The following FOXP1 variants were observed in gnomAD, a reference collection of about 807,000 sequenced individuals.
FOXP1 encodes the protein forkhead box P1, also known as forkhead box protein P1.
A neutral mutation model predicts 98.2 loss-of-function variants in FOXP1; 15 were observed. The observed-to-expected ratio is 0.15, with a 90% CI of 0.10 to 0.24. The LOEUF (loss-of-function observed/expected upper bound fraction) is 0.24. Ranked by LOEUF, FOXP1 falls within the 10% of genes least tolerant of loss-of-function variation. The probability of loss-of-function intolerance (pLI) is 1.00; values close to 1 mark genes in which losing one functional copy is unlikely to be tolerated. For synonymous variants in FOXP1, 371 were observed against 314.5 expected, an observed-to-expected ratio of 1.18 and a Z score of -1.90; for missense variants, 633 against 848.5, an observed-to-expected ratio of 0.75 and a Z score of 3.15.
intron 5 of FOXP1, among the ~76,000 whole-genome samples, chr3:71,278,164 T>G (rs1314046950): frequency 6.6e-6 from 1 of 152,166 alleles, no homozygotes; most frequent in Non-Finnish European, 1.5e-5. Context: ...TTCTGAAGTT[T>G]CAATGAAGTT....
intron 4 of FOXP1, among the ~76,000 whole-genome samples, chr3:71,314,131 A>C (rs1221241988): frequency 6.6e-6 from 1 of 152,210 alleles, no homozygotes; most frequent in African/African-American, 2.4e-5. Flanking sequence ...CACAAAGTGA[A>C]TGCTCAAAGA....
intron 6 of FOXP1, among the ~76,000 whole-genome samples, chr3:71,126,836 GAAAC>G (rs1292584844): frequency 2.3e-5 from 1 of 43,598 alleles, no homozygotes; most frequent in Non-Finnish European, 4.7e-5. Flanking sequence ...AGAAAAAAAC[GAAAC>G]AAACAAACCA....
intron 3 of FOXP1, among the ~76,000 whole-genome samples, chr3:71,371,119 T>A (rs1358794569): frequency 1.3e-5 from 2 of 152,102 alleles, no homozygotes; most frequent in Non-Finnish European, 2.9e-5. Context: ...ATGGCTACAG[T>A]GAGGCCAGAA....
chr3:71,146,427 TA>T (rs2060308727), intron 6 of FOXP1, among the ~76,000 whole-genome samples: 1 of 152,126 alleles, frequency 6.6e-6, no homozygotes, highest in Non-Finnish European at 1.5e-5. Context: ...CCACCCTCTG[TA>T]TTTTCAAGGG....
intron 7 of FOXP1, among the ~76,000 whole-genome samples, chr3:71,110,168 A>G (rs1056397076): frequency 4.5e-4 from 68 of 152,162 alleles, no homozygotes; most frequent in African/African-American, 1.6e-3. Context: ...CTCAAAAGGA[A>G]ATCCCCTGAA....
rs947053426 is a variant in FOXP1 at position 70,957,843 on chromosome 3, G to A, written c.*1404C>T. On this transcript the variant is annotated 3_prime_UTR_variant, in exon 21 of 21. Coordinates refer to ENST00000649528, the MANE Select transcript of FOXP1 (RefSeq NM_001349338.3). ...AACACTTTAGCATTTGCTGAACTCA[G>A]CCCTCGTTAACTCCCTTAACAAGTT... 5 of 233,872 alleles carry A rather than the reference G, an allele frequency of 2.1e-5. No homozygotes were observed. Among genetic ancestry groups the A allele is most frequent in the Admixed American group, 5.6e-5 (1 of 17,816 alleles). The allele number at this position is 233,872 out of a possible 1,614,324, so 14.5% of individuals were successfully genotyped here.
At chr3:71,267,041 C>G (rs1022322404) in intron 5 of FOXP1, among the ~76,000 whole-genome samples, 1 of 151,938 alleles carries the variant, frequency 6.6e-6, no homozygotes, top group East Asian at 1.9e-4. Flanking sequence ...ATTATTGGGC[C>G]ACATCACCTC....
chr3:71,058,596 G>C (rs1042461589), intron 7 of FOXP1, among the ~76,000 whole-genome samples: 2 of 146,054 alleles, frequency 1.4e-5, no homozygotes, highest in African/African-American at 5.1e-5. Flanking sequence ...CATTAAAAGA[G>C]AGAGAGGAGA....
At chr3:71,253,105 C>T (rs1190807383) in intron 5 of FOXP1, among the ~76,000 whole-genome samples, 1 of 152,222 alleles carries the variant, frequency 6.6e-6, no homozygotes, top group Admixed American at 6.5e-5. Flanking sequence ...ATAGTGCCTC[C>T]ATCCCCCAAT....
At chr3:71,130,822 A>G in intron 6 of FOXP1, 1 of 1,432,534 alleles carries the variant, frequency 7.0e-7, no homozygotes. Flanking sequence ...GCTTGCAGGT[A>G]ATTTTCAAAG....
At chr3:71,432,307 C>T (rs2084790770) in intron 3 of FOXP1, among the ~76,000 whole-genome samples, 1 of 152,164 alleles carries the variant, frequency 6.6e-6, no homozygotes, top group Non-Finnish European at 1.5e-5. Flanking sequence ...TTCCTGCACC[C>T]ATCGAGTTGA....
chr3:71,016,985 C>T (rs2044590991), intron 11 of FOXP1, among the ~76,000 whole-genome samples: 1 of 150,900 alleles, frequency 6.6e-6, no homozygotes, highest in Admixed American at 6.6e-5. Flanking sequence ...TTTTGCCCTA[C>T]CACAGAAAAT....
Position 71,298,639 on chromosome 3 carries a change from A to C in FOXP1, c.-12+1181T>G, listed in dbSNP as rs759569519. Among the ~76,000 whole-genome samples the C allele has an allele frequency of 7.2e-4, 109 of 152,326 alleles. 1 individual carries two copies. Among genetic ancestry groups the C allele is most frequent in the Non-Finnish European group, 1.2e-3 (79 of 68,028 alleles). On this transcript the variant is annotated intron_variant, in intron 5 of 20. Coordinates refer to ENST00000649528, the MANE Select transcript of FOXP1 (RefSeq NM_001349338.3). ...TGAAATACAATTAGGTAGATCCTGC[A>C]AAGGTTTCATTTAAACAATATAGAT...
intron 6 of FOXP1, among the ~76,000 whole-genome samples, chr3:71,138,091 C>G (rs894373531): frequency 6.6e-6 from 1 of 152,116 alleles, no homozygotes; most frequent in Non-Finnish European, 1.5e-5. Flanking sequence ...AGTGTTTGAG[C>G]AGACACCACA....
intron 5 of FOXP1, among the ~76,000 whole-genome samples, chr3:71,298,007 G>C (rs1560265227): frequency 6.6e-6 from 1 of 152,152 alleles, no homozygotes; most frequent in Non-Finnish European, 1.5e-5. Flanking sequence ...CTTGGATTGA[G>C]ATCACTCTGT....
rs9854893 is a variant in FOXP1 at position 71,405,600 on chromosome 3, T to A, written c.-167-46356A>T. ...CACAGATTTAGGCCCTAAACCAGAG[T>A]TCCACGTTCCCAGCTGCACCTCAGA... On this transcript the variant is annotated intron_variant, in intron 3 of 20. Coordinates refer to ENST00000649528, the MANE Select transcript of FOXP1 (RefSeq NM_001349338.3). 4.7e-3 allele frequency among the ~76,000 whole-genome samples: 708 copies of A among 152,174 alleles called. 8 individuals are homozygous for A. The highest frequency in any genetic ancestry group is 0.016 in the African/African-American group (654 of 41,524).
At chr3:71,139,145 A>G (rs1056737235) in intron 6 of FOXP1, among the ~76,000 whole-genome samples, 7 of 152,208 alleles carry the variant, frequency 4.6e-5, no homozygotes, top group African/African-American at 1.7e-4. Flanking sequence ...ATTTTACAGG[A>G]GGGGAAATTG....
At chr3:71,534,138 C>T (rs186831530) in intron 2 of FOXP1, among the ~76,000 whole-genome samples, 72 of 152,224 alleles carry the variant, frequency 4.7e-4, no homozygotes, top group African/African-American at 1.7e-3. Context: ...CCAAGGCAGG[C>T]GGATGACCTG....
intron 10 of FOXP1, among the ~76,000 whole-genome samples, chr3:71,042,755 T>C (rs543252293): frequency 1.3e-5 from 2 of 152,328 alleles, no homozygotes; most frequent in East Asian, 3.9e-4. Flanking sequence ...GAAGGCTGTG[T>C]GCATTATATT....
Sources: gnomAD v4.1 joint callset for allele counts (sites outside exome capture counted in the v4.1 genomes callset) on GRCh38, gnomAD v4.1.1 for gene constraint, MANE v1.5 for transcripts, NCBI Gene and HGNC (gene_info 2026-07-23, HGNC 2026-07-21) for gene names.